The following PUM1 variants were observed in gnomAD, a reference collection of about 807,000 sequenced individuals.
PUM1 encodes pumilio RNA binding family member 1.
In PUM1, 13 loss-of-function variants were observed where a neutral mutation model predicts 131.8. The observed-to-expected ratio is 0.10, with a 90% CI of 0.06 to 0.16. PUM1 has a LOEUF of 0.16. Among genes scored for constraint, PUM1 ranks in the 10% least tolerant of loss-of-function variants. PUM1 has a pLI of 1.00. For missense variants in PUM1, 961 were observed against 1,512.4 expected, an observed-to-expected ratio of 0.64 and a Z score of 6.05; for synonymous variants, 509 against 556.5, an observed-to-expected ratio of 0.91 and a Z score of 1.20.
At chr1:31,033,068 A>C (rs1452810727) in intron 2 of PUM1, among the ~76,000 whole-genome samples, 1 of 151,344 alleles carries the variant, frequency 6.6e-6, no homozygotes, top group African/African-American at 2.5e-5. Flanking sequence ...AAAAAAAAAA[A>C]CGTTATTTTC....
chr1:31,051,240 T>C (rs1570358109), intron 2 of PUM1, among the ~76,000 whole-genome samples: 1 of 150,258 alleles, frequency 6.7e-6, no homozygotes, highest in Admixed American at 6.6e-5. Flanking sequence ...ATTGTTAAGA[T>C]GGCCACACCA....
chr1:30,968,697 CATT>C (rs1360471896), intron 10 of PUM1, among the ~76,000 whole-genome samples: 2 of 152,176 alleles, frequency 1.3e-5, no homozygotes, highest in Admixed American at 6.5e-5. Context: ...ACTTTAAACA[CATT>C]ATCTCTATAA....
intron 4 of PUM1, among the ~76,000 whole-genome samples, chr1:31,006,509 T>C (rs1422721550): frequency 1.3e-5 from 2 of 152,222 alleles, no homozygotes; most frequent in Non-Finnish European, 2.9e-5. Context: ...CTTTTTCTGC[T>C]GTCAGTGTGT....
At chr1:31,054,992 G>C (rs368488232) in intron 2 of PUM1, among the ~76,000 whole-genome samples, 3 of 152,022 alleles carry the variant, frequency 2.0e-5, no homozygotes, top group South Asian at 4.1e-4. Flanking sequence ...TTCAAAAAAG[G>C]GTATTTATCT....
intron 3 of PUM1, among the ~76,000 whole-genome samples, chr1:31,028,124 TCCCC>T (rs1279682437): frequency 2.0e-5 from 3 of 152,194 alleles, no homozygotes; most frequent in African/African-American, 7.2e-5. Flanking sequence ...ATATCTATAC[TCCCC>T]TTCCTTTTTA....
intron 1 of PUM1, among the ~76,000 whole-genome samples, chr1:31,063,728 A>T (rs1644416877): frequency 6.6e-6 from 1 of 152,224 alleles, no homozygotes; most frequent in Non-Finnish European, 1.5e-5. Context: ...GGGGGAAAGA[A>T]AAGACTCCTA....
chr1:31,007,256 A>T (rs1382195024), intron 3 of PUM1, among the ~76,000 whole-genome samples, 154 bp from the exon 4 acceptor site: 1 of 152,184 alleles, frequency 6.6e-6, no homozygotes, highest in South Asian at 2.1e-4. Flanking sequence ...TGGTCAGAAC[A>T]CTGCTATATA....
intron 2 of PUM1, among the ~76,000 whole-genome samples, chr1:31,039,255 G>A (rs1643742628): frequency 6.7e-6 from 1 of 149,060 alleles, no homozygotes; most frequent in Non-Finnish European, 1.5e-5. Context: ...GTCTGGCTCT[G>A]TCACCCAGGC....
chr1:30,988,890 T>A (rs998257965), intron 7 of PUM1, among the ~76,000 whole-genome samples: 1 of 152,218 alleles, frequency 6.6e-6, no homozygotes, highest in Admixed American at 6.5e-5. Flanking sequence ...ACCCATTAAT[T>A]TAGCACTTAG....
Position 30,992,383 on chromosome 1 carries a change from A to T in PUM1, c.1158+7T>A. 1 of 1,612,720 alleles carries T rather than the reference A, an allele frequency of 6.2e-7. No homozygotes were observed. On this transcript the variant is annotated splice_region_variant and intron_variant, in intron 7 of 21. Transcript: ENST00000426105. ...AGTAGAGAGGGTGACAGAGACACACACAGTACCTGTTGTTGAGAATTGTAG... is the reference window on the plus strand; with the variant it reads ...AGTAGAGAGGGTGACAGAGACACACTCAGTACCTGTTGTTGAGAATTGTAG...
intron 14 of PUM1, among the ~76,000 whole-genome samples, chr1:30,960,179 G>C (rs1416961665): frequency 6.6e-6 from 1 of 152,184 alleles, no homozygotes; most frequent in African/African-American, 2.4e-5. Context: ...CTTGGGACCA[G>C]AAGTGTTTCA....
intron 2 of PUM1, among the ~76,000 whole-genome samples, chr1:31,043,681 T>C (rs1643891302): frequency 6.6e-6 from 1 of 152,158 alleles, no homozygotes; most frequent in Admixed American, 6.5e-5. Flanking sequence ...CGGAGCTCAC[T>C]GAAAACACCT....
chr1:30,943,825 T>A (rs991486303), intron 18 of PUM1, among the ~76,000 whole-genome samples: 1 of 152,208 alleles, frequency 6.6e-6, no homozygotes, highest in African/African-American at 2.4e-5. Flanking sequence ...TAATAGTCTA[T>A]TATTTGTGGC....
chr1:30,990,628 C>T (rs550202709), intron 7 of PUM1, among the ~76,000 whole-genome samples: 1 of 151,718 alleles, frequency 6.6e-6, no homozygotes, highest in East Asian at 1.9e-4. Flanking sequence ...ATATAGGAGG[C>T]TTACGCCAGT....
rs1366706751 is a variant in PUM1 at position 30,953,565 on chromosome 1, AT to A, written c.2591+148del. On this transcript the variant is annotated intron_variant, in intron 15 of 21. Coordinates refer to ENST00000426105, the MANE Select transcript of PUM1 (RefSeq NM_001020658.2). The stretch of plus-strand genomic sequence containing the variant: ...CTTTGTGTTCATGTTTGTTTCTTAA[AT>A]CCCTATGAAATAATGTGATGCAAAC... 8.8e-5 allele frequency: 73 copies of A among 829,552 alleles called. 1 individual carries two copies. The South Asian group carries it at 1.2e-3, about 14-fold the overall frequency. 51.4% of individuals were successfully genotyped at this position (829,552 alleles called of 1,614,324 possible). A position where few individuals can be genotyped will look rare whatever the true frequency, so the allele number is the denominator to read the frequency against.
intron 3 of PUM1, among the ~76,000 whole-genome samples, chr1:31,012,701 C>G (rs1399265994): frequency 6.6e-6 from 1 of 151,880 alleles, no homozygotes; most frequent in South Asian, 2.1e-4. Flanking sequence ...TCCTTTCCAT[C>G]TAACAAAAAA....
chr1:30,976,432 T>G (rs1021617577), intron 9 of PUM1, among the ~76,000 whole-genome samples: 1 of 152,252 alleles, frequency 6.6e-6, no homozygotes, highest in African/African-American at 2.4e-5. Flanking sequence ...TTACACTGAC[T>G]GAAGTTCTGA....
At position 31,015,179 on chromosome 1, in the gene PUM1, C is replaced by T. The variant is rs768936644; in HGVS notation, c.433-8077G>A. Among the ~76,000 whole-genome samples the T allele has an allele frequency of 7.8e-4, 119 of 152,156 alleles. 1 individual carries two copies. The highest frequency in any genetic ancestry group is 1.5e-3 in the Non-Finnish European group (101 of 68,022). On this transcript the variant is annotated intron_variant, in intron 3 of 21. Transcript: ENST00000426105. ...AAAAGCAGAAGAGTGTTTGTTAGTGCACTGGGATTGTGGATTACTTAATTC... is the reference window on the plus strand; with the variant it reads ...AAAAGCAGAAGAGTGTTTGTTAGTGTACTGGGATTGTGGATTACTTAATTC...
At chr1:31,038,984 A>ATATATATATATATATATAT in intron 2 of PUM1, among the ~76,000 whole-genome samples, 24 of 49,414 alleles carry the variant, frequency 4.9e-4, no homozygotes, top group Non-Finnish European at 6.1e-4. Context: ...ATATATATAT[A>ATATATATATATATATATAT]TTTTTTTTTT....
Sources: gnomAD v4.1 joint callset for allele counts (sites outside exome capture counted in the v4.1 genomes callset) on GRCh38, gnomAD v4.1.1 for gene constraint, MANE v1.5 for transcripts, NCBI Gene and HGNC (gene_info 2026-07-23, HGNC 2026-07-21) for gene names.